SDK1: variants seen among roughly 807,000 people sequenced by gnomAD.
SDK1 encodes protein sidekick-1.
In SDK1, 157 loss-of-function variants were observed where a neutral mutation model predicts 245.5. The observed-to-expected ratio is 0.64, with a 90% CI of 0.56 to 0.73. SDK1 has a LOEUF of 0.73. Among genes scored for constraint, SDK1 ranks in the 30% least tolerant of loss-of-function variants. The pLI, the probability that SDK1 is intolerant of heterozygous loss-of-function variation, is 0.00. For missense variants in SDK1, 3,583 were observed against 3,002.3 expected, an observed-to-expected ratio of 1.19 and a Z score of -4.52; for synonymous variants, 1,647 against 1,278.5, an observed-to-expected ratio of 1.29 and a Z score of -6.15.
chr7:3,575,867 G>A (rs1315360811), intron 1 of SDK1, among the ~76,000 whole-genome samples: 1 of 151,926 alleles, frequency 6.6e-6, no homozygotes, highest in Non-Finnish European at 1.5e-5. Flanking sequence ...TTTTATTAAA[G>A]GTGCAAGTTC....
At chr7:3,583,557 C>T (rs1050708520) in intron 1 of SDK1, among the ~76,000 whole-genome samples, 1 of 152,122 alleles carries the variant, frequency 6.6e-6, no homozygotes, top group Non-Finnish European at 1.5e-5. Context: ...CTTTATCATT[C>T]ACTGAGTAAC....
At chr7:3,612,502 T>C (rs892666933) in intron 1 of SDK1, among the ~76,000 whole-genome samples, 1 of 152,186 alleles carries the variant, frequency 6.6e-6, no homozygotes. Context: ...TTTGAATGAC[T>C]ACACTTACCA....
At chr7:3,685,715 G>A (rs899998423) in intron 4 of SDK1, among the ~76,000 whole-genome samples, 2 of 152,044 alleles carry the variant, frequency 1.3e-5, no homozygotes, top group African/African-American at 2.4e-5. Flanking sequence ...ACACTTCAAA[G>A]TATCATATAT....
intron 1 of SDK1, among the ~76,000 whole-genome samples, chr7:3,353,616 A>G (rs1245639329): frequency 2.0e-5 from 3 of 152,112 alleles, no homozygotes; most frequent in Non-Finnish European, 2.9e-5. Context: ...ATTCCAGTCT[A>G]TTTCTGAATG....
chr7:3,551,561 T>C (rs999087813), intron 1 of SDK1, among the ~76,000 whole-genome samples: 2 of 138,704 alleles, frequency 1.4e-5, no homozygotes, highest in African/African-American at 2.8e-5. Flanking sequence ...GCCTCATTGG[T>C]TTTTTTTTTT....
chr7:3,493,691 C>G (rs959181294), intron 1 of SDK1, among the ~76,000 whole-genome samples: 15 of 152,314 alleles, frequency 9.8e-5, no homozygotes, highest in Non-Finnish European at 1.6e-4. Context: ...CAATTTCTCT[C>G]TTGCAAGGTT....
chr7:3,351,858 TAAAG>T (rs1042922858), intron 1 of SDK1, among the ~76,000 whole-genome samples: 5 of 152,108 alleles, frequency 3.3e-5, no homozygotes, highest in Non-Finnish European at 7.4e-5. Context: ...ATGGAAGACT[TAAAG>T]AACATGATCA....
intron 28 of SDK1, among the ~76,000 whole-genome samples, chr7:4,134,354 G>T (rs944163894): frequency 6.6e-6 from 1 of 152,182 alleles, no homozygotes. Context: ...GCCTGGCCCG[G>T]CGGAGAGGGA....
intron 2 of SDK1, among the ~76,000 whole-genome samples, chr7:3,626,197 C>A (rs1260545948): frequency 6.6e-6 from 1 of 151,994 alleles, no homozygotes; most frequent in Non-Finnish European, 1.5e-5. Flanking sequence ...GCCTTGGTCT[C>A]CCAAAGTGCT....
intron 1 of SDK1, among the ~76,000 whole-genome samples, chr7:3,459,148 C>G (rs1005643258): frequency 6.6e-6 from 1 of 152,034 alleles, no homozygotes; most frequent in African/African-American, 2.4e-5. Flanking sequence ...TTTGTGTATT[C>G]TTTTTGTTGT....
At chr7:4,258,793 G>A (rs568035991) in intron 44 of SDK1, among the ~76,000 whole-genome samples, 52 of 152,346 alleles carry the variant, frequency 3.4e-4, no homozygotes, top group African/African-American at 1.1e-3. Flanking sequence ...ATAGTCAAAA[G>A]AGGGTGAAAG....
intron 22 of SDK1, among the ~76,000 whole-genome samples, chr7:4,102,636 T>C (rs894352248): frequency 2.0e-5 from 3 of 152,152 alleles, no homozygotes; most frequent in African/African-American, 7.2e-5. Context: ...GAGCTCACCA[T>C]GGCCACCAGA....
chr7:4,017,350 G>A lies in SDK1; in HGVS notation c.2600G>A (p.Gly867Glu). The A allele has an allele frequency of 6.2e-7, 1 of 1,602,670 alleles. No homozygotes were observed. Among genetic ancestry groups the A allele is most frequent in the Non-Finnish European group, 8.5e-7 (1 of 1,173,446 alleles). ...SRAVTEYTLQGVPTAPPQNVQ... is the reference protein window; with the variant it reads ...SRAVTEYTLQEVPTAPPQNVQ... Reference sequence around the variant, plus strand: ...GCAGTGACCGAGTACACCTTGCAGGGAGGTAAGCTTGTCTCCAAAACCACG... The same window carrying A: ...GCAGTGACCGAGTACACCTTGCAGGAAGGTAAGCTTGTCTCCAAAACCACG... Residue 867 changes from glycine (G) to glutamate (E), a missense_variant and splice_region_variant, in exon 17 of 45, where the codon GGA (glycine) becomes GAA (glutamate). Transcript: ENST00000404826.
chr7:3,709,798 T>C (rs1784990922), intron 4 of SDK1, among the ~76,000 whole-genome samples: 1 of 152,202 alleles, frequency 6.6e-6, no homozygotes, highest in African/African-American at 2.4e-5. Context: ...AAACTTCTAA[T>C]ATCAAAGGGA....
chr7:4,104,274 T>C (rs1278642421), intron 22 of SDK1, among the ~76,000 whole-genome samples: 1 of 152,216 alleles, frequency 6.6e-6, no homozygotes, highest in Non-Finnish European at 1.5e-5. Context: ...TTGCCCAGGC[T>C]GGTCTCGAAG....
At chr7:4,150,895 G>A (rs983254242) in intron 30 of SDK1, among the ~76,000 whole-genome samples, 1 of 152,246 alleles carries the variant, frequency 6.6e-6, no homozygotes, top group East Asian at 1.9e-4. Context: ...CCGACCGGGC[G>A]TCTCAGTACA....
intron 34 of SDK1, among the ~76,000 whole-genome samples, chr7:4,177,998 C>A (rs1034286547): frequency 3.3e-5 from 5 of 152,192 alleles, no homozygotes; most frequent in African/African-American, 1.2e-4. Flanking sequence ...AGATCCCTCG[C>A]ACGCGCAGTT....
chr7:3,497,641 G>A (rs1028972190), intron 1 of SDK1, among the ~76,000 whole-genome samples: 3 of 152,080 alleles, frequency 2.0e-5, no homozygotes, highest in African/African-American at 7.2e-5. Flanking sequence ...ACAGTATGGC[G>A]CCTGTTAAGA....
At chr7:4,222,052 T>G (rs1785177839) in intron 40 of SDK1, among the ~76,000 whole-genome samples, 2 of 152,170 alleles carry the variant, frequency 1.3e-5, no homozygotes, top group African/African-American at 4.8e-5. Context: ...ATCATGAACA[T>G]CTGAGCATGA....
Sources: allele counts gnomAD v4.1 joint callset (sites outside exome capture counted in the v4.1 genomes callset), GRCh38; gene constraint gnomAD v4.1.1; transcripts MANE v1.5; gene names NCBI Gene and HGNC (gene_info 2026-07-23, HGNC 2026-07-21).